AFF1: variants seen among roughly 807,000 people sequenced by gnomAD.
AFF1 encodes AF4/FMR2 family member 1.
A neutral mutation model predicts 121.7 loss-of-function variants in AFF1; 48 were observed. The ratio of observed to expected loss-of-function variants is 0.39; its 90% confidence interval spans 0.31 to 0.50. The LOEUF (loss-of-function observed/expected upper bound fraction) is 0.50, where lower values mean the gene tolerates loss of function less well. Among genes scored for constraint, AFF1 ranks in the 20% least tolerant of loss-of-function variants. AFF1 has a pLI of 0.76. For missense variants in AFF1, 1,523 were observed against 1,511.7 expected (o/e 1.01, Z -0.12); for synonymous variants, 613 against 563.0 (o/e 1.09, Z -1.26).
intron 4 of AFF1, among the ~76,000 whole-genome samples, chr4:87,052,589 A>G (rs916836805): frequency 6.6e-6 from 1 of 151,752 alleles, no homozygotes; most frequent in Non-Finnish European, 1.5e-5. Context: ...GATTGAAACC[A>G]TTGGATAATT....
At chr4:87,076,680 T>G (rs1446733062) in intron 4 of AFF1, among the ~76,000 whole-genome samples, 3 of 152,256 alleles carry the variant, frequency 2.0e-5, no homozygotes, top group Non-Finnish European at 4.4e-5. Flanking sequence ...TTTCCTTGTT[T>G]TAATTTGGAC....
intron 2 of AFF1, among the ~76,000 whole-genome samples, chr4:86,975,766 T>C (rs762715568): frequency 1.3e-5 from 2 of 152,162 alleles, no homozygotes; most frequent in Non-Finnish European, 2.9e-5. Context: ...AGTTATTCTT[T>C]TGCCCCCATA....
At chr4:87,044,777 G>T (rs989885003) in intron 2 of AFF1, among the ~76,000 whole-genome samples, 2 of 152,154 alleles carry the variant, frequency 1.3e-5, no homozygotes, top group Non-Finnish European at 2.9e-5. Context: ...AGAGCAAGAG[G>T]CTGCCTTACA....
At chr4:87,118,506 A>G (rs1415097082) in intron 12 of AFF1, among the ~76,000 whole-genome samples, 4 of 152,082 alleles carry the variant, frequency 2.6e-5, no homozygotes, top group Admixed American at 2.0e-4. Context: ...TAGCTTAGAG[A>G]CTATTCTGTT....
chr4:87,108,269 C>T lies in AFF1; in HGVS notation c.1487C>T (p.Ser496Leu). The change falls in exon 11 of 21, where the codon TCA (serine) becomes TTA (leucine). Residue 496 changes from serine to leucine, a missense_variant. Physicochemically the swap from Ser to Leu is moderately radical, Grantham distance 145 (BLOSUM62 -2). This residue lies in a region of AFF1 where 905 missense variants were observed against 842.5 expected (regional missense o/e 1.07). Transcript: ENST00000395146. Reference sequence around the variant, plus strand: ...TCAGACTCAGAGAGCGAGAGCAGTTCAAGTGACAGCGAAGAAAATGAGCCC... The same window carrying T: ...TCAGACTCAGAGAGCGAGAGCAGTTTAAGTGACAGCGAAGAAAATGAGCCC... ...SSSDSESESS[S>L]SDSEENEPLE... 6.2e-7 allele frequency: 1 copy of T among 1,614,052 alleles called. No individual in the cohort carries two copies. Among genetic ancestry groups the T allele is most frequent in the Non-Finnish European group, 8.5e-7 (1 of 1,180,018 alleles).
At position 87,132,115 on chromosome 4, in the gene AFF1, T is replaced by C. The variant is rs1728885445; in HGVS notation, c.3174-156T>C. Among the ~76,000 whole-genome samples the C allele has an allele frequency of 2.0e-5, 3 of 152,352 alleles. No individual in the cohort carries two copies. In the East Asian group the frequency reaches 5.8e-4, roughly 29 times the overall value. On this transcript the variant is annotated intron_variant, in intron 18 of 20. Coordinates refer to ENST00000395146, the MANE Select transcript of AFF1 (RefSeq NM_001166693.3). The stretch of plus-strand genomic sequence containing the variant: ...CCTTGTGTTTTCTACCAGCATTTAC[T>C]TTTGGGATAGTATGAACAGAGCAGT...
intron 1 of AFF1, among the ~76,000 whole-genome samples, chr4:86,937,782 TGGGGGTGGGGGTG>T (rs1720135282): frequency 1.1e-3 from 2 of 1,792 alleles, no homozygotes; most frequent in Admixed American, 0.019. Flanking sequence ...TGGCTTGGGG[TGGGGGTGGGGGTG>T]GGGGGCTCCC....
In AFF1 at chr4:87,041,666, G is replaced by GA. The variant is rs199904556; in HGVS notation, c.39-4489dup. Among the ~76,000 whole-genome samples the GA allele has an allele frequency of 4.5e-3, 656 of 145,128 alleles. 7 individuals are homozygous for GA. Among genetic ancestry groups the GA allele is most frequent in the African/African-American group, 0.013 (523 of 39,932 alleles). ...TACATTTTTCCTTAACACAGGACTGGAAAAAAAAAAAGACACCTTTATTAA... is the reference window on the plus strand; with the variant it reads ...TACATTTTTCCTTAACACAGGACTGGAAAAAAAAAAAAGACACCTTTATTAA... On this transcript the variant is annotated intron_variant, in intron 2 of 20. Coordinates refer to ENST00000395146, the MANE Select transcript of AFF1 (RefSeq NM_001166693.3).
intron 2 of AFF1, among the ~76,000 whole-genome samples, chr4:86,997,474 A>G (rs1026016339): frequency 2.0e-5 from 3 of 152,110 alleles, no homozygotes; most frequent in Non-Finnish European, 2.9e-5. Flanking sequence ...TTAAAAATGC[A>G]TACTTGGGCT....
chr4:86,941,448 C>T (rs1720449563), intron 1 of AFF1, among the ~76,000 whole-genome samples: 1 of 152,144 alleles, frequency 6.6e-6, no homozygotes, highest in South Asian at 2.1e-4. Context: ...GCTTGGAAGT[C>T]AGGAGTTCGA....
rs1748352113 is a variant in AFF1 at position 86,935,245 on chromosome 4, G to C, written c.-37+5G>C. ...GAGGACGGAAGGGTCTGGAAGGTGA[G>C]CGCAGCCCTGCGCCACCCAGGGCTG... On this transcript the variant is annotated splice_donor_5th_base_variant and intron_variant, in intron 1 of 20. Transcript: ENST00000395146. The C allele has an allele frequency of 6.6e-6, 1 of 152,324 alleles. No individual in the cohort carries two copies. The highest frequency in any genetic ancestry group is 6.5e-5 in the Admixed American group (1 of 15,294). 9.4% of individuals were successfully genotyped at this position (152,324 alleles called of 1,614,324 possible).
At chr4:87,124,302 C>T (rs1300849336) in intron 12 of AFF1, among the ~76,000 whole-genome samples, 2 of 152,090 alleles carry the variant, frequency 1.3e-5, no homozygotes, top group African/African-American at 4.8e-5. Context: ...TTCCCTTTTC[C>T]TTACTCCCAC....
intron 2 of AFF1, among the ~76,000 whole-genome samples, chr4:87,011,756 T>C (rs904746162): frequency 6.6e-6 from 1 of 152,220 alleles, no homozygotes; most frequent in Non-Finnish European, 1.5e-5. Context: ...TTCTTTCTAG[T>C]TCATCCTGAG....
At chr4:86,985,192 T>TATATATATATATATATATAA (rs1724130241) in intron 2 of AFF1, among the ~76,000 whole-genome samples, 3 of 106,214 alleles carry the variant, frequency 2.8e-5, no homozygotes, top group African/African-American at 1.1e-4. Context: ...TATATATATA[T>TATATATATATATATATATAA]ATATATATAT....
intron 1 of AFF1, among the ~76,000 whole-genome samples, chr4:86,942,417 G>A (rs537862192): frequency 6.6e-6 from 1 of 152,166 alleles, no homozygotes; most frequent in Admixed American, 6.5e-5. Flanking sequence ...TATTTATTTA[G>A]CATAAGTTAA....
intron 4 of AFF1, among the ~76,000 whole-genome samples, chr4:87,066,572 CAGTG>C (rs915593509): frequency 2.0e-5 from 3 of 152,006 alleles, no homozygotes; most frequent in African/African-American, 7.2e-5. Context: ...CTGGGCAACA[CAGTG>C]AGACCCTGTC....
At chr4:86,973,765 TTTTCTTCC>T (rs981780048) in intron 2 of AFF1, 2 of 151,790 alleles carry the variant, frequency 1.3e-5, no homozygotes, top group African/African-American at 2.4e-5. Flanking sequence ...CTTTTTTTTC[TTTTCTTCC>T]TTTCTTCCTT....
At chr4:87,093,558 A>G (rs893373303) in intron 7 of AFF1, among the ~76,000 whole-genome samples, 1 of 152,152 alleles carries the variant, frequency 6.6e-6, no homozygotes, top group Non-Finnish European at 1.5e-5. Flanking sequence ...ATATGTCCAC[A>G]ATTGCAAAAC....
chr4:87,048,185 A>G (rs1730915336), intron 4 of AFF1: 1 of 153,700 alleles, frequency 6.5e-6, no homozygotes, highest in Non-Finnish European at 1.4e-5. Flanking sequence ...TTCTGTTCTA[A>G]TATTTTATTA....
Sources: allele counts gnomAD v4.1 joint callset (sites outside exome capture counted in the v4.1 genomes callset), GRCh38; gene constraint gnomAD v4.1.1; regional missense constraint gnomAD v4.1.1; transcripts MANE v1.5; gene names NCBI Gene and HGNC (gene_info 2026-07-23, HGNC 2026-07-21).